CSMD3: variants seen among roughly 807,000 people sequenced by gnomAD.
CSMD3 encodes CUB and sushi domain-containing protein 3.
In CSMD3, 177 loss-of-function variants were observed where a neutral mutation model predicts 435.2. The observed-to-expected ratio is 0.41, with a 90% CI of 0.36 to 0.46. The LOEUF is 0.46. Among genes scored for constraint, CSMD3 ranks in the 20% least tolerant of loss-of-function variants. CSMD3 has a pLI of 0.34. For synonymous variants in CSMD3, 1,656 were observed against 1,520.5 expected (o/e 1.09, Z -2.07); for missense variants, 4,265 against 4,504.6 (o/e 0.95, Z 1.52).
chr8:112,793,324 G>GA (rs551463701), intron 13 of CSMD3, among the ~76,000 whole-genome samples: 60 of 148,388 alleles, frequency 4.0e-4, no homozygotes, highest in Admixed American at 8.8e-4. Flanking sequence ...TTCCTTTGCT[G>GA]AAAAAAAAAG....
intron 30 of CSMD3, 91 bp from the exon 31 acceptor site, chr8:112,492,774 C>A: frequency 9.6e-7 from 1 of 1,041,424 alleles, no homozygotes. Context: ...ATTCAGCCAA[C>A]TGCAGATTGA....
chr8:112,899,599 T>TTATATATATATATA (rs71309794), intron 10 of CSMD3, among the ~76,000 whole-genome samples: 60 of 99,994 alleles, frequency 6.0e-4, no homozygotes, highest in Middle Eastern at 6.8e-3. Flanking sequence ...CTTGTCTATT[T>TTATATATATATATA]TATATATATA....
rs1818661526 is a variant in CSMD3 at position 112,472,802 on chromosome 8, G to A, written c.5279-95C>T. The A allele has an allele frequency of 1.1e-5, 8 of 715,648 alleles. No individual in the cohort carries two copies. The East Asian group carries it at 1.9e-4, about 17-fold the overall frequency. The allele number at this position is 715,648 out of a possible 1,614,324, so 44.3% of individuals were successfully genotyped here. A position where few individuals can be genotyped will look rare whatever the true frequency, so the allele number is the denominator to read the frequency against. On this transcript the variant is annotated intron_variant, in intron 31 of 70. Transcript: ENST00000297405. Reference sequence around the variant, plus strand: ...TTCATATAAAAAATATATGGCTAATGGAATTTAAGGTGTATAATTTATTTG... The same window carrying A: ...TTCATATAAAAAATATATGGCTAATAGAATTTAAGGTGTATAATTTATTTG...
At position 112,558,391 on chromosome 8, in the gene CSMD3, G is replaced by T. The variant is rs1224459486; in HGVS notation, c.4043-1437C>A. Among the ~76,000 whole-genome samples the T allele has an allele frequency of 7.2e-5, 11 of 151,824 alleles. 1 individual carries two copies. The highest frequency in any genetic ancestry group is 4.1e-4 in the South Asian group (2 of 4,822). ...GAATTTGAACAAACAGGCTTGCTGG[G>T]TTTCCCATTCTCAATCTATTACTGA... On this transcript the variant is annotated intron_variant, in intron 24 of 70. Coordinates refer to ENST00000297405, the MANE Select transcript of CSMD3 (RefSeq NM_198123.2).
intron 3 of CSMD3, among the ~76,000 whole-genome samples, chr8:113,209,650 C>T (rs1204208430): frequency 2.6e-5 from 4 of 151,938 alleles, no homozygotes; most frequent in South Asian, 2.1e-4. Flanking sequence ...GTGAGATTTC[C>T]GGTATTTCAT....
At chr8:113,258,066 T>G (rs1588389203) in intron 3 of CSMD3, among the ~76,000 whole-genome samples, 1 of 152,188 alleles carries the variant, frequency 6.6e-6, no homozygotes, top group African/African-American at 2.4e-5. Context: ...AGTCACTATC[T>G]GAAGAATTGT....
chr8:112,335,329 C>A lies in CSMD3; in HGVS notation c.7165G>T (p.Ala2389Ser), dbSNP rs1824454082. Reference sequence around the variant, plus strand: ...ATAGGAACTCTCAGATAATACCAACCGTGATAACTGAGCACAAAAAAGCCA... The same window carrying A: ...ATAGGAACTCTCAGATAATACCAACAGTGATAACTGAGCACAAAAAAGCCA... ...TSGFFVLSYH[A>S]YQLRVCQPPP... Residue 2389 changes from alanine to serine, a missense_variant and splice_region_variant, in exon 45 of 71, where the codon GCC becomes TCC. Ala to Ser is a moderately conservative substitution (Grantham distance 99). Coordinates refer to ENST00000297405, the MANE Select transcript of CSMD3 (RefSeq NM_198123.2). The A allele has an allele frequency of 6.2e-7, 1 of 1,613,210 alleles. No individual in the cohort carries two copies.
chr8:112,224,565 G>A lies in CSMD3; in HGVS notation c.*206C>T, dbSNP rs1001443758. ...AACTGTGAGTAAGCACTCTCAGAGT[G>A]CAGCCAAATTTCTGTAAAACTCTCC... On this transcript the variant is annotated 3_prime_UTR_variant, in exon 71 of 71. Transcript: ENST00000297405. 3 of 610,198 alleles carry A rather than the reference G, an allele frequency of 4.9e-6. No individual in the cohort carries two copies. Among genetic ancestry groups the A allele is most frequent in the East Asian group, 5.7e-5 (2 of 35,236 alleles). The allele number at this position is 610,198 out of a possible 1,614,324, so 37.8% of individuals were successfully genotyped here. A position where few individuals can be genotyped will look rare whatever the true frequency, so the allele number is the denominator to read the frequency against.
chr8:112,548,823 T>C (rs1315534471), intron 27 of CSMD3, among the ~76,000 whole-genome samples: 5 of 152,096 alleles, frequency 3.3e-5, no homozygotes, highest in Non-Finnish European at 7.4e-5. Flanking sequence ...TTTCAATAGG[T>C]TGATTTTAAG....
At chr8:112,847,567 A>C (rs754213342) in intron 11 of CSMD3, among the ~76,000 whole-genome samples, 5 of 152,116 alleles carry the variant, frequency 3.3e-5, no homozygotes, top group Non-Finnish European at 4.4e-5. Flanking sequence ...ATGAATCAGC[A>C]GCATATAATT....
chr8:112,356,008 G>T (rs974098570), intron 38 of CSMD3, among the ~76,000 whole-genome samples: 1 of 152,052 alleles, frequency 6.6e-6, no homozygotes, highest in Non-Finnish European at 1.5e-5. Flanking sequence ...AGTCACAATG[G>T]CTATGATGTA....
In CSMD3 at chr8:112,553,421, G is replaced by A. The variant is rs530548353; in HGVS notation, c.4235-701C>T. Reference sequence around the variant, plus strand: ...GTTGTGATAACTGGAGTGATTTTACGTCAGTGAACAACCTAGAAAGAGTCT... The same window carrying A: ...GTTGTGATAACTGGAGTGATTTTACATCAGTGAACAACCTAGAAAGAGTCT... On this transcript the variant is annotated intron_variant, in intron 25 of 70. Coordinates refer to ENST00000297405, the MANE Select transcript of CSMD3 (RefSeq NM_198123.2). 4.0e-5 allele frequency among the ~76,000 whole-genome samples: 6 copies of A among 151,864 alleles called. No homozygotes were observed. The South Asian group carries it at 8.3e-4, about 21-fold the overall frequency.
rs1287291725 is a variant in CSMD3 at position 113,019,049 on chromosome 8, G to A, written c.1030+18C>T. On this transcript the variant is annotated intron_variant, in intron 6 of 70. Coordinates refer to ENST00000297405, the MANE Select transcript of CSMD3 (RefSeq NM_198123.2). The stretch of plus-strand genomic sequence containing the variant: ...TATTTTACATATCAAAAGAGGCAAA[G>A]GTATTCCATAAGTATACCTTGATAG... The A allele has an allele frequency of 2.7e-5, 39 of 1,432,778 alleles. No individual in the cohort carries two copies. Among genetic ancestry groups the A allele is most frequent in the Admixed American group, 1.0e-4 (6 of 59,772 alleles). The allele number at this position is 1,432,778 out of a possible 1,614,324, so 88.8% of individuals were successfully genotyped here.
intron 13 of CSMD3, among the ~76,000 whole-genome samples, chr8:112,722,994 TGTGA>T (rs1407925613): frequency 6.6e-6 from 1 of 151,854 alleles, no homozygotes; most frequent in African/African-American, 2.4e-5. Context: ...GACATATTTT[TGTGA>T]GTAACAAGCA....
At chr8:113,303,529 A>G (rs1257570519) in intron 2 of CSMD3, among the ~76,000 whole-genome samples, 1 of 150,574 alleles carries the variant, frequency 6.6e-6, no homozygotes, top group Non-Finnish European at 1.5e-5. Context: ...AGGCTACAGT[A>G]ACCAAAACAG....
At chr8:113,007,163 T>C (rs1378722798) in intron 6 of CSMD3, among the ~76,000 whole-genome samples, 2 of 151,930 alleles carry the variant, frequency 1.3e-5, no homozygotes, top group African/African-American at 4.8e-5. Context: ...TAAAGAAAAA[T>C]TTGACCTTGA....
chr8:113,307,775 G>A (rs1005672398), intron 2 of CSMD3, among the ~76,000 whole-genome samples: 2 of 152,032 alleles, frequency 1.3e-5, no homozygotes, highest in African/African-American at 4.8e-5. Flanking sequence ...AATATTATTA[G>A]GCATCACAAA....
intron 9 of CSMD3, among the ~76,000 whole-genome samples, chr8:112,928,927 C>G (rs2083004230): frequency 7.6e-6 from 1 of 130,888 alleles, no homozygotes; most frequent in South Asian, 2.8e-4. Flanking sequence ...GTTCCTATTT[C>G]TCCACATCCT....
chr8:112,397,814 C>T (rs1408836460), intron 35 of CSMD3, among the ~76,000 whole-genome samples: 1 of 152,178 alleles, frequency 6.6e-6, no homozygotes, highest in Non-Finnish European at 1.5e-5. Flanking sequence ...CTACAGCATT[C>T]TGCTGCTGGC....
Sources: gnomAD v4.1 joint callset for allele counts (sites outside exome capture counted in the v4.1 genomes callset) on GRCh38, gnomAD v4.1.1 for gene constraint, MANE v1.5 for transcripts, NCBI Gene and HGNC (gene_info 2026-07-23, HGNC 2026-07-21) for gene names.